The following C21orf58 variants were observed in gnomAD, a reference collection of about 807,000 sequenced individuals.
C21orf58 encodes the protein uncharacterized protein C21orf58.
A neutral mutation model predicts 35.8 loss-of-function variants in C21orf58; 34 were observed. That is an observed-to-expected ratio of 0.95 (90% CI 0.72 to 1.26). The LOEUF (loss-of-function observed/expected upper bound fraction) is 1.26. Ranked by LOEUF, C21orf58 falls within the 50% of genes most tolerant of loss-of-function variation. The pLI is 0.00. For synonymous variants in C21orf58, 191 were observed against 175.8 expected, an observed-to-expected ratio of 1.09 and a Z score of -0.68; for missense variants, 440 against 414.3, an observed-to-expected ratio of 1.06 and a Z score of -0.54.
chr21:46,300,536 CAG>C (rs1183715315), downstream of C21orf58: 4 of 616,058 alleles, frequency 6.5e-6, no homozygotes, highest in Admixed American at 4.8e-5. Flanking sequence ...AACGAGAGCA[CAG>C]AGTCTCTGGA....
chr21:46,318,780 C>G, intron 1 of C21orf58: 1 of 989,212 alleles, frequency 1.0e-6, no homozygotes, highest in Non-Finnish European at 1.2e-6. Flanking sequence ...GGGGATATGT[C>G]CCACCTTGGG....
chr21:46,302,352 G>T, intron 7 of C21orf58, 133 bp downstream of exon 7: 1 of 1,095,102 alleles, frequency 9.1e-7, no homozygotes, highest in Non-Finnish European at 1.3e-6. Flanking sequence ...ATGGGGATGG[G>T]GGCTTCACAG....
At chr21:46,315,663 G>A (rs1463452948) in intron 3 of C21orf58, 116 bp from the exon 4 acceptor site, 3 of 714,208 alleles carry the variant, frequency 4.2e-6, no homozygotes, top group African/African-American at 3.5e-5. Context: ...CACACTCCCA[G>A]GATGGGGGAG....
At chr21:46,303,735 ATATATATATATT>A (rs1569116422) in intron 6 of C21orf58, among the ~76,000 whole-genome samples, 36 of 28,108 alleles carry the variant, frequency 1.3e-3, no homozygotes, top group South Asian at 6.7e-3. Flanking sequence ...ATATATATAT[ATATATATATATT>A]TTTTTTTTTT....
At chr21:46,310,907 C>T (rs889480931) in intron 6 of C21orf58, among the ~76,000 whole-genome samples, 6 of 151,870 alleles carry the variant, frequency 4.0e-5, no homozygotes, top group Admixed American at 1.3e-4. Context: ...CTCACTCTGT[C>T]GCCCAGGATG....
chr21:46,300,739 A>G, downstream of C21orf58: 1 of 1,289,100 alleles, frequency 7.8e-7, no homozygotes, highest in Non-Finnish European at 1.0e-6. Flanking sequence ...TCAAAGATGG[A>G]AGCACTGGGA....
rs763118765 is a variant in C21orf58, at chr21:46,322,650, C to G, written c.89G>C (p.Ser30Thr). 1 of 1,591,394 alleles carries G rather than the reference C, an allele frequency of 6.3e-7. No homozygotes were observed. Among genetic ancestry groups the G allele is most frequent in the African/African-American group, 1.4e-5 (1 of 73,924 alleles). ...QKLPSPDSGHSLLCGWSPGGK... is the reference protein window; with the variant it reads ...QKLPSPDSGHTLLCGWSPGGK... ...GACACCCCGCTCACCACACAGAAGA[C>G]TGTGGCCTGAGTCAGGAGAAGGAAG... Residue 30 changes from serine (S) to threonine (T), a missense_variant, in exon 1 of 8, where the codon AGT becomes ACT. By Grantham distance (58) the Ser-to-Thr change is moderately conservative (BLOSUM62 1). Coordinates refer to ENST00000291691, the MANE Select transcript of C21orf58 (RefSeq NM_058180.5).
chr21:46,305,553 CTCCTAGGCTCAAGTGA>C (rs1275099491), intron 6 of C21orf58, among the ~76,000 whole-genome samples: 1 of 152,078 alleles, frequency 6.6e-6, no homozygotes, highest in African/African-American at 2.4e-5. Flanking sequence ...TGGTCTTGAA[CTCCTAGGCTCAAGTGA>C]TCCTCCCATA....
intron 6 of C21orf58, among the ~76,000 whole-genome samples, chr21:46,303,677 TACACACACACACAC>T (rs142762284): frequency 3.0e-5 from 1 of 33,170 alleles, no homozygotes; most frequent in Non-Finnish European, 5.3e-5. Context: ...ACCTCATCTC[TACACACACACACAC>T]ACACACACAC....
In C21orf58 at chr21:46,301,803, C is replaced by T. The variant is rs2082116536; in HGVS notation, c.*196G>A. On this transcript the variant is annotated 3_prime_UTR_variant, in exon 8 of 8. Coordinates refer to ENST00000291691, the MANE Select transcript of C21orf58 (RefSeq NM_058180.5). Reference sequence around the variant, plus strand: ...GCAGGGGACCCGGAGCAAGGGATGCCCCCTGGAATGGCCCCGTGACCAGAA... The same window carrying T: ...GCAGGGGACCCGGAGCAAGGGATGCTCCCTGGAATGGCCCCGTGACCAGAA... The T allele has an allele frequency of 4.8e-6, 6 of 1,253,628 alleles. 1 individual carries two copies. The South Asian group carries it at 2.0e-4, about 42-fold the overall frequency. The allele number at this position is 1,253,628 out of a possible 1,614,324, so 77.7% of individuals were successfully genotyped here. A position where few individuals can be genotyped will look rare whatever the true frequency, so the allele number is the denominator to read the frequency against.
chr21:46,309,048 G>A (rs1477182501), intron 6 of C21orf58, among the ~76,000 whole-genome samples: 1 of 152,222 alleles, frequency 6.6e-6, no homozygotes, highest in African/African-American at 2.4e-5. Context: ...GCCAGGCGCA[G>A]TGGCTCACGC....
At chr21:46,304,228 C>T (rs903850568) in intron 6 of C21orf58, among the ~76,000 whole-genome samples, 1 of 151,816 alleles carries the variant, frequency 6.6e-6, no homozygotes, top group African/African-American at 2.4e-5. Flanking sequence ...GATGGGGTTT[C>T]ACTGTGTTAG....
rs561281604 is a variant in C21orf58 at position 46,321,983 on chromosome 21, T to A, written c.100+656A>T. 8.6e-5 allele frequency among the ~76,000 whole-genome samples: 13 copies of A among 151,160 alleles called. No individual in the cohort carries two copies. The East Asian group carries it at 2.5e-3, about 29-fold the overall frequency. On this transcript the variant is annotated intron_variant, in intron 1 of 7. Transcript: ENST00000291691. ...CAGTGGTTGCCTGGCCTTGACAGCT[T>A]TTTAATAGTTTAAAATGAATTGAGG...
chr21:46,314,209 C>G (rs992680014), intron 5 of C21orf58, among the ~76,000 whole-genome samples: 1 of 150,726 alleles, frequency 6.6e-6, no homozygotes, highest in African/African-American at 2.4e-5. Flanking sequence ...TCCTGAGTAG[C>G]TGGGACTACA....
chr21:46,317,699 A>C (rs560461123), intron 2 of C21orf58, among the ~76,000 whole-genome samples: 1 of 152,276 alleles, frequency 6.6e-6, no homozygotes, highest in African/African-American at 2.4e-5. Context: ...GGGCTGGCGA[A>C]AGGTGGGCAG....
chr21:46,306,173 C>CT (rs1271091318), intron 6 of C21orf58, among the ~76,000 whole-genome samples: 1 of 151,788 alleles, frequency 6.6e-6, no homozygotes, highest in Non-Finnish European at 1.5e-5. Flanking sequence ...GATAAAATGA[C>CT]TGTCAATCTA....
intron 1 of C21orf58, among the ~76,000 whole-genome samples, chr21:46,320,160 T>C (rs2083107759): frequency 6.6e-6 from 1 of 151,136 alleles, no homozygotes; most frequent in African/African-American, 2.4e-5. Context: ...AGTGCAGAGG[T>C]GGAGCCATCT....
chr21:46,305,383 G>C (rs899420046), intron 6 of C21orf58, among the ~76,000 whole-genome samples: 2 of 140,070 alleles, frequency 1.4e-5, no homozygotes, highest in African/African-American at 5.4e-5. Flanking sequence ...AAGCTGGGAC[G>C]CCTTGGTGTG....
chr21:46,302,427 GA>G, intron 7 of C21orf58, 57 bp downstream of exon 7: 1 of 1,396,184 alleles, frequency 7.2e-7, no homozygotes, highest in Non-Finnish European at 9.9e-7. Context: ...ATTTCCAGAA[GA>G]AAAACCACCC....
Sources: gnomAD v4.1 joint callset for allele counts (sites outside exome capture counted in the v4.1 genomes callset) on GRCh38, gnomAD v4.1.1 for gene constraint, MANE v1.5 for transcripts, NCBI Gene and HGNC (gene_info 2026-07-23, HGNC 2026-07-21) for gene names.